Variants in ERC1 observed in about 807,000 individuals in gnomAD.
The protein encoded by ERC1 is RAB6 interacting protein 2.
A neutral mutation model predicts 132.0 loss-of-function variants in ERC1; 56 were observed. That is an observed-to-expected ratio of 0.42 (90% CI 0.34 to 0.53). The LOEUF is 0.53. Ranked by LOEUF, ERC1 falls within the 20% of genes least tolerant of loss-of-function variation. The pLI is 0.03. For missense variants in ERC1, 1,202 were observed against 1,349.9 expected, an observed-to-expected ratio of 0.89 and a Z score of 1.72; for synonymous variants, 478 against 476.1, an observed-to-expected ratio of 1.00 and a Z score of -0.05.
intron 2 of ERC1, among the ~76,000 whole-genome samples, chr12:1,050,642 A>T (rs895668565): frequency 2.0e-5 from 3 of 152,156 alleles, no homozygotes; most frequent in African/African-American, 7.2e-5. Flanking sequence ...ACTCATTTTA[A>T]AAAACTGAAT....
At chr12:1,440,432 T>G (rs2093094903) in intron 17 of ERC1, among the ~76,000 whole-genome samples, 2 of 150,896 alleles carry the variant, frequency 1.3e-5, no homozygotes, top group South Asian at 2.1e-4. Context: ...GGTCTCGATC[T>G]CCTGACCTCG....
At chr12:1,339,755 T>G (rs2083650335) in intron 15 of ERC1, among the ~76,000 whole-genome samples, 1 of 152,152 alleles carries the variant, frequency 6.6e-6, no homozygotes, top group South Asian at 2.1e-4. Context: ...GGGACAGGTC[T>G]CTGTGTGCCC....
intron 12 of ERC1, among the ~76,000 whole-genome samples, chr12:1,193,630 C>T (rs1195101438): frequency 6.6e-6 from 1 of 151,964 alleles, no homozygotes; most frequent in Non-Finnish European, 1.5e-5. Context: ...GACTGAAATC[C>T]CTGTGGCAGG....
intron 15 of ERC1, among the ~76,000 whole-genome samples, chr12:1,349,657 G>A (rs1253249436): frequency 7.9e-6 from 1 of 126,280 alleles, no homozygotes; most frequent in Non-Finnish European, 1.6e-5. Flanking sequence ...GAGTGAGACC[G>A]TCTAAAAAAA....
At chr12:1,331,714 C>G (rs998828816) in intron 15 of ERC1, among the ~76,000 whole-genome samples, 3 of 152,172 alleles carry the variant, frequency 2.0e-5, no homozygotes, top group African/African-American at 7.2e-5. Flanking sequence ...TGTTGTTAGT[C>G]CCCCTCATCC....
intron 15 of ERC1, among the ~76,000 whole-genome samples, chr12:1,308,555 C>T (rs2154348699): frequency 6.6e-6 from 1 of 152,222 alleles, no homozygotes; most frequent in East Asian, 1.9e-4. Context: ...TTTTTCGTGA[C>T]TTTTAGACCA....
chr12:1,368,825 C>G (rs187235667), intron 15 of ERC1, among the ~76,000 whole-genome samples: 26 of 152,270 alleles, frequency 1.7e-4, no homozygotes, highest in Admixed American at 1.5e-3. Flanking sequence ...AGACATTACT[C>G]AGAATTCATA....
intron 17 of ERC1, among the ~76,000 whole-genome samples, chr12:1,429,698 CAGAG>C (rs2092736877): frequency 6.6e-6 from 1 of 152,142 alleles, no homozygotes; most frequent in Admixed American, 6.5e-5. Flanking sequence ...CCCAGGTCTC[CAGAG>C]AGATTTAGGG....
At chr12:1,128,535 A>G (rs1449023299) in intron 7 of ERC1, among the ~76,000 whole-genome samples, 1 of 152,156 alleles carries the variant, frequency 6.6e-6, no homozygotes, top group Non-Finnish European at 1.5e-5. Flanking sequence ...GTGCCCAGCT[A>G]GCACTAGCTG....
At chr12:1,470,445 T>G (rs980454136) in intron 18 of ERC1, among the ~76,000 whole-genome samples, 4 of 151,818 alleles carry the variant, frequency 2.6e-5, no homozygotes, top group African/African-American at 9.7e-5. Context: ...TTTGGGGTTT[T>G]TTTTGTTTTT....
intron 8 of ERC1, among the ~76,000 whole-genome samples, chr12:1,156,307 T>G (rs2154258325): frequency 6.6e-6 from 1 of 152,148 alleles, no homozygotes; most frequent in African/African-American, 2.4e-5. Flanking sequence ...GGTGCAATCT[T>G]AGCTCACTAC....
intron 2 of ERC1, among the ~76,000 whole-genome samples, chr12:1,082,486 T>A (rs1228779487): frequency 0.11 from 11,035 of 97,278 alleles, 624 homozygotes; most frequent in African/African-American, 0.3. Context: ...AAAAAAAAAT[T>A]TTTTTTTTTT....
chr12:1,159,686 T>C (rs1438089722), intron 8 of ERC1, among the ~76,000 whole-genome samples: 1 of 152,220 alleles, frequency 6.6e-6, no homozygotes, highest in Non-Finnish European at 1.5e-5. Context: ...TTATTTGCTT[T>C]GGTTATTTTT....
intron 15 of ERC1, among the ~76,000 whole-genome samples, chr12:1,365,348 A>AG (rs1475577197): frequency 6.6e-6 from 1 of 152,154 alleles, no homozygotes; most frequent in Non-Finnish European, 1.5e-5. Context: ...ATGCCTTAAA[A>AG]GTGCAGTGAA....
rs1308045539 is a variant in ERC1, at chr12:1,121,715, C to G, written c.1569+5682C>G. Among the ~76,000 whole-genome samples, 34 of 5,414 alleles carry G rather than the reference C, an allele frequency of 6.3e-3. 1 individual carries two copies. The highest frequency in any genetic ancestry group is 0.011 in the African/African-American group (34 of 3,092). 3.6% of individuals were successfully genotyped at this position (5,414 alleles called of 152,430 possible). A position where few individuals can be genotyped will look rare whatever the true frequency, so the allele number is the denominator to read the frequency against. The stretch of plus-strand genomic sequence containing the variant: ...TCTATCTCTATCTCTATCTGTGTCT[C>G]TATCTCTATCTCTATCTCTATCTCT... On this transcript the variant is annotated intron_variant, in intron 7 of 18. Transcript: ENST00000360905.
chr12:1,046,580 C>T (rs1971117273), intron 2 of ERC1, among the ~76,000 whole-genome samples: 1 of 152,072 alleles, frequency 6.6e-6, no homozygotes, highest in Non-Finnish European at 1.5e-5. Context: ...CTTACTAGAC[C>T]TGAAATACAG....
chr12:1,362,978 T>C (rs1334344429), intron 15 of ERC1, among the ~76,000 whole-genome samples: 2 of 152,194 alleles, frequency 1.3e-5, no homozygotes, highest in Non-Finnish European at 2.9e-5. Flanking sequence ...GTAACTTGAT[T>C]AAGGAATAAT....
intron 17 of ERC1, among the ~76,000 whole-genome samples, chr12:1,438,603 G>A (rs532015487): frequency 6.6e-6 from 1 of 152,220 alleles, no homozygotes; most frequent in East Asian, 1.9e-4. Context: ...AAAATAATTT[G>A]CCAGGAAGAC....
chr12:1,196,905 TAC>T (rs766381798), intron 12 of ERC1, among the ~76,000 whole-genome samples: 1,303 of 57,560 alleles, frequency 0.023, 30 homozygotes, highest in East Asian at 0.065. Context: ...TCTGTCTCTC[TAC>T]ACACACACAC....
Sources: allele counts gnomAD v4.1 joint callset (sites outside exome capture counted in the v4.1 genomes callset), GRCh38; gene constraint gnomAD v4.1.1; transcripts MANE v1.5; gene names NCBI Gene and HGNC (gene_info 2026-07-23, HGNC 2026-07-21).